The following DRC12 variants were observed in gnomAD, a reference collection of about 807,000 sequenced individuals.
DRC12 encodes the protein dynein regulatory complex subunit 12 homolog.
At chr11:119,195,384 C>T in the DRC12 span, 5 of 1,529,676 alleles carry the variant, frequency 3.3e-6, no homozygotes, top group Non-Finnish European at 4.4e-6. Context: ...CATGGCAGAA[C>T]ATGGAGAAGC....
the DRC12 span, chr11:119,195,695 T>TGA: frequency 1.7e-6 from 1 of 587,544 alleles, no homozygotes; most frequent in East Asian, 2.9e-5. Context: ...TCAACCAGGC[T>TGA]GACTCTGTAC....
At chr11:119,193,667 G>A in the DRC12 span, 4 of 1,505,758 alleles carry the variant, frequency 2.7e-6, no homozygotes, top group African/African-American at 1.4e-5. Flanking sequence ...CCTGGCAGTC[G>A]GAAGCCCTCC....
At chr11:119,193,641 A>G in the DRC12 span, 1 of 1,478,262 alleles carries the variant, frequency 6.8e-7, no homozygotes, top group Non-Finnish European at 9.0e-7. Context: ...ACTGTTTGGG[A>G]AAGACCAAGA....
the DRC12 span, chr11:119,190,778 C>T: frequency 9.3e-6 from 15 of 1,614,124 alleles, no homozygotes; most frequent in Non-Finnish European, 1.3e-5. The surrounding 1 kb of genome is among the most constrained non-coding windows in gnomAD (Gnocchi z 4.2). Flanking sequence ...AGGGCCTGGT[C>T]CCGCTCTCCG....
At chr11:119,191,363 G>C in the DRC12 span, among the ~76,000 whole-genome samples, 1 of 151,718 alleles carries the variant, frequency 6.6e-6, no homozygotes, top group African/African-American at 2.4e-5. Context: ...CTCCCAAAGT[G>C]GTGGGATTAC....
chr11:119,191,885 T>A, the DRC12 span, among the ~76,000 whole-genome samples: 1 of 151,728 alleles, frequency 6.6e-6, no homozygotes. Flanking sequence ...TTGATTGACT[T>A]GGAATTTGAG....
the DRC12 span, chr11:119,190,803 C>T: frequency 6.2e-7 from 1 of 1,613,910 alleles, no homozygotes. This position sits in a 1 kb window ranked among gnomAD's most constrained non-coding sequence, Gnocchi z 4.2. Flanking sequence ...CTTGTTCAGC[C>T]TCTTCCCGGG....
the DRC12 span, among the ~76,000 whole-genome samples, chr11:119,192,031 A>G: frequency 6.8e-6 from 1 of 147,652 alleles, no homozygotes; most frequent in Non-Finnish European, 1.5e-5. Flanking sequence ...GCTGGAGTGC[A>G]GTGGTGCGAT....
chr11:119,191,461 T>C, the DRC12 span, among the ~76,000 whole-genome samples: 7 of 151,780 alleles, frequency 4.6e-5, no homozygotes, highest in African/African-American at 1.7e-4. Context: ...CCTTTAAACA[T>C]GATAAATGGA....
At chr11:119,193,763 C>A in the DRC12 span, 1 of 1,551,714 alleles carries the variant, frequency 6.4e-7, no homozygotes, top group Non-Finnish European at 8.7e-7. Flanking sequence ...ACCGACCACA[C>A]ACCTGCATAT....
At chr11:119,191,281 G>A in the DRC12 span, among the ~76,000 whole-genome samples, 19 of 151,820 alleles carry the variant, frequency 1.3e-4, no homozygotes, top group African/African-American at 3.9e-4. Flanking sequence ...CGAATTTTTA[G>A]TAGAGATGGG....
the DRC12 span, chr11:119,195,343 AATTCTCT>A: frequency 1.5e-6 from 2 of 1,302,740 alleles, no homozygotes; most frequent in Non-Finnish European, 2.2e-6. Flanking sequence ...CAGAAGGCTG[AATTCTCT>A]CTGGAGGAGC....
At chr11:119,194,915 C>T in the DRC12 span, 5 of 1,550,892 alleles carry the variant, frequency 3.2e-6, no homozygotes, top group Non-Finnish European at 4.4e-6. Context: ...AGCTTCTACC[C>T]TCCTTACCCA....
chr11:119,193,753 A>G, the DRC12 span: 1 of 1,551,484 alleles, frequency 6.4e-7, no homozygotes. Flanking sequence ...CACCTGCTTA[A>G]CCGACCACAC....
chr11:119,192,981 C>T, the DRC12 span, among the ~76,000 whole-genome samples: 83 of 152,236 alleles, frequency 5.5e-4, 1 homozygote, highest in East Asian at 0.013. Flanking sequence ...TTTTGGTATC[C>T]CGAACCCTCT....
the DRC12 span, chr11:119,193,593 A>G: frequency 4.2e-6 from 6 of 1,436,072 alleles, no homozygotes; most frequent in East Asian, 2.5e-5. Flanking sequence ...CCAGGAACCT[A>G]CCTGCCTTTG....
At chr11:119,195,166 G>T in the DRC12 span, 8 of 635,540 alleles carry the variant, frequency 1.3e-5, no homozygotes, top group South Asian at 1.3e-4. Context: ...TCACCGACCA[G>T]CACATAACAG....
At chr11:119,195,221 T>C in the DRC12 span, 1 of 634,448 alleles carries the variant, frequency 1.6e-6, no homozygotes, top group Non-Finnish European at 2.8e-6. Context: ...GGCACAGAGC[T>C]AGATGGGGCT....
chr11:119,191,113 T>G, the DRC12 span, among the ~76,000 whole-genome samples: 7 of 151,836 alleles, frequency 4.6e-5, no homozygotes, highest in Non-Finnish European at 1.0e-4. Flanking sequence ...TCTTTTTTTT[T>G]TTTTTTAGAT....
Sources: gnomAD v4.1 joint callset for allele counts (sites outside exome capture counted in the v4.1 genomes callset) on GRCh38, gnomAD v4.1.1 for gene constraint, Gnocchi (gnomAD v3.1) non-coding constraint, MANE v1.5 for transcripts, NCBI Gene and HGNC (gene_info 2026-07-23, HGNC 2026-07-21) for gene names.